WDR59: variants seen among roughly 807,000 people sequenced by gnomAD.
WDR59 encodes the protein GATOR2 complex protein WDR59.
A neutral mutation model predicts 131.2 loss-of-function variants in WDR59; 100 were observed. The ratio of observed to expected loss-of-function variants is 0.76; its 90% confidence interval spans 0.65 to 0.90. The LOEUF (loss-of-function observed/expected upper bound fraction) is 0.90. WDR59 is among the 40% of genes least tolerant of loss of function. The pLI is 0.00. For synonymous variants in WDR59, 601 were observed against 466.2 expected (o/e 1.29, Z -3.72); for missense variants, 1,203 against 1,262.2 (o/e 0.95, Z 0.71).
At chr16:74,981,625 TA>T (rs1567450423) in intron 1 of WDR59, among the ~76,000 whole-genome samples, 23 of 1,320 alleles carry the variant, frequency 0.017, 3 homozygotes, top group African/African-American at 0.029. Context: ...TATATATATA[TA>T]TATATATATA....
intron 6 of WDR59, among the ~76,000 whole-genome samples, chr16:74,943,742 T>G (rs2032404917): frequency 6.6e-6 from 1 of 152,198 alleles, no homozygotes. Flanking sequence ...AAGCCCATAG[T>G]AGATCCACAG....
chr16:74,913,086 C>T (rs1300794501), intron 13 of WDR59, among the ~76,000 whole-genome samples: 3 of 146,730 alleles, frequency 2.0e-5, no homozygotes, highest in Admixed American at 2.0e-4. Flanking sequence ...GGGGGGGGGC[C>T]TGTTCCCAAC....
chr16:74,912,481 A>G, intron 13 of WDR59, 119 bp from the exon 14 acceptor site: 2 of 1,044,682 alleles, frequency 1.9e-6, no homozygotes, highest in Non-Finnish European at 2.7e-6. Flanking sequence ...AGAGTCTACA[A>G]AGACAAATGT....
chr16:74,947,870 A>C (rs1198897794), intron 6 of WDR59, among the ~76,000 whole-genome samples: 1 of 152,196 alleles, frequency 6.6e-6, no homozygotes, highest in East Asian at 1.9e-4. Context: ...TAGGAGTTCA[A>C]GACCAGCCTG....
In WDR59 at chr16:74,887,727, G is replaced by A; in HGVS notation, c.2375C>T (p.Ser792Phe). The A allele has an allele frequency of 6.2e-7, 1 of 1,614,124 alleles. No individual in the cohort carries two copies. The highest frequency in any genetic ancestry group is 8.5e-7 in the Non-Finnish European group (1 of 1,180,018). Residue 792 changes from serine (S) to phenylalanine (F), a missense_variant, in exon 23 of 26, where the codon TCC (serine) becomes TTC (phenylalanine). Transcript: ENST00000262144. The stretch of plus-strand genomic sequence containing the variant: ...GTTGAGCCCTGGGTCTGACATACTG[G>A]AGCAGGAACCAGAAGAGGTAAAGCT... ...YPSFTSSGSCSSMSDPGLNTG... is the reference protein window; with the variant it reads ...YPSFTSSGSCFSMSDPGLNTG...
rs2033303828 is a variant in WDR59 at position 74,956,578 on chromosome 16, G to T, written c.137C>A (p.Ala46Asp). 7 of 1,614,106 alleles carry T rather than the reference G, an allele frequency of 4.3e-6. No individual in the cohort carries two copies. The highest frequency in any genetic ancestry group is 1.1e-5 in the South Asian group (1 of 91,078). ...GATCTTTCGGTGACCTTCGAAAGGG[G>T]CATCTAGATTGACGATGTATAAGAA... is the stretch of plus-strand genomic sequence containing the variant. ...RRFLYIVNLDAPFEGHRKISR... is the reference protein window; with the variant it reads ...RRFLYIVNLDDPFEGHRKISR... The change falls in exon 3 of 26, where the codon GCC (alanine) becomes GAC (aspartate). Residue 46 changes from alanine to aspartate, a missense_variant. By Grantham distance (126) the Ala-to-Asp change is moderately radical. Coordinates refer to ENST00000262144, the MANE Select transcript of WDR59 (RefSeq NM_030581.4).
chr16:74,981,635 T>C (rs865869122), intron 1 of WDR59, among the ~76,000 whole-genome samples: 412 of 25,404 alleles, frequency 0.016, 2 homozygotes, highest in African/African-American at 0.035. Flanking sequence ...TATATATATA[T>C]ATATATATAT....
chr16:74,920,211 G>A (rs1028175649), intron 10 of WDR59, among the ~76,000 whole-genome samples: 8 of 152,068 alleles, frequency 5.3e-5, no homozygotes, highest in South Asian at 2.1e-4. Context: ...TTATGATGGC[G>A]TGAAACTGTC....
rs916106218 is a variant in WDR59 at position 74,873,990 on chromosome 16, T to C, written c.*219A>G. The stretch of plus-strand genomic sequence containing the variant: ...CAACACACAAAGCGCAGCTCTGCAC[T>C]TCTGTCCTTATCTTCACACAGTGAC... On this transcript the variant is annotated 3_prime_UTR_variant, in exon 26 of 26. Transcript: ENST00000262144. The C allele has an allele frequency of 3.5e-6, 2 of 571,330 alleles. No homozygotes were observed. Among genetic ancestry groups the C allele is most frequent in the African/African-American group, 3.7e-5 (2 of 53,342 alleles). The allele number at this position is 571,330 out of a possible 1,614,324, so 35.4% of individuals were successfully genotyped here. A position where few individuals can be genotyped will look rare whatever the true frequency, so the allele number is the denominator to read the frequency against.
chr16:74,897,057 G>A (rs1965331280), intron 18 of WDR59, among the ~76,000 whole-genome samples: 2 of 152,192 alleles, frequency 1.3e-5, no homozygotes, highest in South Asian at 4.1e-4. Context: ...TGTTAATATG[G>A]AAATTGCTTG....
At chr16:74,976,120 T>C (rs914354954) in intron 1 of WDR59, among the ~76,000 whole-genome samples, 3 of 152,230 alleles carry the variant, frequency 2.0e-5, no homozygotes, top group South Asian at 2.1e-4. Flanking sequence ...GAACATTGTA[T>C]GAAACTAAAA....
intron 16 of WDR59, 60 bp downstream of exon 16, chr16:74,909,441 C>A: frequency 6.7e-7 from 1 of 1,487,524 alleles, no homozygotes; most frequent in South Asian, 1.4e-5. Context: ...TATACAGAAT[C>A]TATGACATTC....
chr16:74,951,600 C>G (rs1597785823), intron 3 of WDR59, 57 bp from the exon 4 acceptor site: 1 of 1,468,726 alleles, frequency 6.8e-7, no homozygotes, highest in Non-Finnish European at 9.3e-7. Context: ...TGGTCTTGCC[C>G]CAATCAGCTT....
At chr16:74,944,932 T>G (rs903553755) in intron 6 of WDR59, among the ~76,000 whole-genome samples, 12 of 152,116 alleles carry the variant, frequency 7.9e-5, no homozygotes, top group African/African-American at 2.9e-4. Flanking sequence ...GAGACCAGCC[T>G]GGCCAATATG....
chr16:74,909,766 A>G, intron 15 of WDR59, 56 bp downstream of exon 15: 1 of 1,585,550 alleles, frequency 6.3e-7, no homozygotes, highest in African/African-American at 1.4e-5. Context: ...TTAGGGAGAA[A>G]GAAATGAAAC....
In WDR59 at chr16:74,908,446, G is replaced by A. The variant is rs546410605; in HGVS notation, c.1712+462C>T. On this transcript the variant is annotated intron_variant, in intron 17 of 25. Coordinates refer to ENST00000262144, the MANE Select transcript of WDR59 (RefSeq NM_030581.4). The stretch of plus-strand genomic sequence containing the variant: ...AAAGAAAAAAGAAAAAAACTTCCAC[G>A]TTTGTGTTTTCACAATGTACTACTT... Among the ~76,000 whole-genome samples, 259 of 152,072 alleles carry A rather than the reference G, an allele frequency of 1.7e-3. 6 individuals carry two copies. In the South Asian group the frequency reaches 0.05, roughly 30 times the overall value.
chr16:74,927,778 C>T (rs28690219), intron 8 of WDR59, among the ~76,000 whole-genome samples: 1 of 151,620 alleles, frequency 6.6e-6, no homozygotes, highest in Non-Finnish European at 1.5e-5. Context: ...AGAGAAACTA[C>T]TCCATGGCTG....
intron 11 of WDR59, among the ~76,000 whole-genome samples, chr16:74,917,448 T>C (rs1260260814): frequency 6.6e-6 from 1 of 152,226 alleles, no homozygotes; most frequent in East Asian, 1.9e-4. Flanking sequence ...CTGAAGTTGG[T>C]TCTTAAAGAC....
intron 1 of WDR59, among the ~76,000 whole-genome samples, chr16:74,974,398 T>C (rs979929563): frequency 6.6e-6 from 1 of 152,120 alleles, no homozygotes; most frequent in Non-Finnish European, 1.5e-5. Context: ...ATAATGGTAA[T>C]CAACATTTAT....
Sources: gnomAD v4.1 joint callset for allele counts (sites outside exome capture counted in the v4.1 genomes callset) on GRCh38, gnomAD v4.1.1 for gene constraint, MANE v1.5 for transcripts, NCBI Gene and HGNC (gene_info 2026-07-23, HGNC 2026-07-21) for gene names.